Variants in CPXM2 observed in about 807,000 individuals in gnomAD.
CPXM2 encodes the protein inactive carboxypeptidase-like protein X2.
Under a neutral mutation model 86.1 loss-of-function variants are expected in CPXM2, and 66 were observed. The ratio of observed to expected loss-of-function variants is 0.77; its 90% CI spans 0.63 to 0.94. The LOEUF (loss-of-function observed/expected upper bound fraction) is 0.94. CPXM2 is among the 40% of genes least tolerant of loss of function. CPXM2 has a pLI of 0.00. For missense variants in CPXM2, 948 were observed against 1,026.3 expected (o/e 0.92, Z 1.04); for synonymous variants, 388 against 400.2 (o/e 0.97, Z 0.36).
At chr10:123,797,820 G>A (rs1847366460) in intron 6 of CPXM2, among the ~76,000 whole-genome samples, 156 bp downstream of exon 6, 1 of 152,078 alleles carries the variant, frequency 6.6e-6, no homozygotes, top group Non-Finnish European at 1.5e-5. Flanking sequence ...CCAGACTCAA[G>A]TGATTGATTC....
chr10:123,811,715 A>G (rs1847700063), intron 4 of CPXM2, among the ~76,000 whole-genome samples: 1 of 152,228 alleles, frequency 6.6e-6, no homozygotes, highest in African/African-American at 2.4e-5. Context: ...TATTGAGAAT[A>G]TATTTTTAAA....
At chr10:123,904,206 A>G (rs1026819390) in intron 2 of CPXM2, among the ~76,000 whole-genome samples, 2 of 152,218 alleles carry the variant, frequency 1.3e-5, no homozygotes, top group African/African-American at 4.8e-5. Context: ...TTCTGTCTCA[A>G]TCAGGACTAA....
chr10:123,902,222 C>T (rs1945388994), intron 2 of CPXM2, among the ~76,000 whole-genome samples: 2 of 152,288 alleles, frequency 1.3e-5, no homozygotes, highest in African/African-American at 2.4e-5. Flanking sequence ...CGAGGTCATG[C>T]AGCTCACAGG....
At chr10:123,750,261 G>A in intron 13 of CPXM2, 6 of 985,380 alleles carry the variant, frequency 6.1e-6, no homozygotes, top group Non-Finnish European at 7.2e-6. Context: ...AGAGCCTGAG[G>A]GTTCACCCCA....
At chr10:123,845,402 G>C (rs1425257219) in intron 3 of CPXM2, among the ~76,000 whole-genome samples, 1 of 152,004 alleles carries the variant, frequency 6.6e-6, no homozygotes, top group African/African-American at 2.4e-5. Flanking sequence ...GAAAGGTCTT[G>C]ATTTCATGAA....
intron 3 of CPXM2, among the ~76,000 whole-genome samples, chr10:123,851,409 T>C (rs1411235763): frequency 6.6e-6 from 1 of 152,220 alleles, no homozygotes; most frequent in Non-Finnish European, 1.5e-5. Flanking sequence ...TATTGAATTG[T>C]GTTCCCCCTC....
chr10:123,918,938 A>G (rs897021792), intron 2 of CPXM2, among the ~76,000 whole-genome samples: 22 of 152,170 alleles, frequency 1.4e-4, no homozygotes, highest in Non-Finnish European at 3.2e-4. Context: ...AACACAGGGA[A>G]GGTAAAAACC....
At chr10:123,833,202 A>G (rs1275216034) in intron 4 of CPXM2, among the ~76,000 whole-genome samples, 2 of 152,234 alleles carry the variant, frequency 1.3e-5, no homozygotes, top group Non-Finnish European at 2.9e-5. Flanking sequence ...TCTTATGCAT[A>G]CAATGAGAGA....
intron 13 of CPXM2, chr10:123,750,580 T>A: frequency 1.0e-6 from 1 of 974,664 alleles, no homozygotes; most frequent in Non-Finnish European, 1.2e-6. Flanking sequence ...TGTAGTAAAC[T>A]TTTAAATCTT....
At chr10:123,788,005 A>G (rs889708447) in intron 6 of CPXM2, among the ~76,000 whole-genome samples, 3 of 151,938 alleles carry the variant, frequency 2.0e-5, no homozygotes, top group African/African-American at 7.3e-5. Flanking sequence ...ACAGGCTGAG[A>G]GCGGTGGCTC....
chr10:123,769,033 C>T (rs950952897), intron 8 of CPXM2, among the ~76,000 whole-genome samples: 1 of 152,042 alleles, frequency 6.6e-6, no homozygotes. Flanking sequence ...AAGTTGAGCA[C>T]AAGCCGTAGC....
chr10:123,808,272 A>G lies in CPXM2; in HGVS notation c.654-9073T>C, dbSNP rs367746182. Among the ~76,000 whole-genome samples, 85 of 152,300 alleles carry G rather than the reference A, an allele frequency of 5.6e-4. No individual in the cohort carries two copies. The South Asian group carries it at 0.017, about 30-fold the overall frequency. Reference sequence around the variant, plus strand: ...TTATAGAGCCTTCTACTAGTGTACAACTAGTTTCTGGTGACATCAAAACAA... The same window carrying G: ...TTATAGAGCCTTCTACTAGTGTACAGCTAGTTTCTGGTGACATCAAAACAA... On this transcript the variant is annotated intron_variant, in intron 4 of 13. Transcript: ENST00000241305.
At chr10:123,755,933 G>A (rs2133976545) in intron 12 of CPXM2, among the ~76,000 whole-genome samples, 1 of 152,304 alleles carries the variant, frequency 6.6e-6, no homozygotes, top group South Asian at 2.1e-4. Flanking sequence ...AAAATTCCAG[G>A]GTGGGAACAG....
intron 2 of CPXM2, among the ~76,000 whole-genome samples, chr10:123,936,759 A>G (rs1192683779): frequency 6.6e-6 from 1 of 151,696 alleles, no homozygotes; most frequent in African/African-American, 2.4e-5. Flanking sequence ...CTCTCTCCCC[A>G]TACTCCCACC....
intron 11 of CPXM2, among the ~76,000 whole-genome samples, chr10:123,760,522 C>A (rs1846308164): frequency 6.6e-6 from 1 of 152,058 alleles, no homozygotes; most frequent in African/African-American, 2.4e-5. Flanking sequence ...TTTCTTTTCC[C>A]AAGGGTGGGA....
chr10:123,777,888 A>G (rs1035167627), intron 7 of CPXM2: 2 of 152,216 alleles, frequency 1.3e-5, no homozygotes, highest in African/African-American at 4.8e-5. Context: ...CTCTTCCCTC[A>G]TTGTCCCAAG....
intron 2 of CPXM2, among the ~76,000 whole-genome samples, chr10:123,903,844 G>A (rs1023023879): frequency 2.6e-5 from 4 of 152,220 alleles, no homozygotes; most frequent in Non-Finnish European, 1.5e-5. Flanking sequence ...ATGAAGCAAG[G>A]TTTGCCAGGC....
intron 13 of CPXM2, chr10:123,750,071 G>A: frequency 1.0e-6 from 1 of 978,000 alleles, no homozygotes; most frequent in Non-Finnish European, 1.2e-6. Context: ...GCCTGCCTTG[G>A]CCTCCCAAAG....
At chr10:123,788,258 C>T (rs1244124489) in intron 6 of CPXM2, among the ~76,000 whole-genome samples, 1 of 133,014 alleles carries the variant, frequency 7.5e-6, no homozygotes, top group Non-Finnish European at 1.5e-5. Flanking sequence ...CCAGCCTGGG[C>T]GACAGAGCAA....
Sources: allele counts gnomAD v4.1 joint callset (sites outside exome capture counted in the v4.1 genomes callset), GRCh38; gene constraint gnomAD v4.1.1; transcripts MANE v1.5; gene names NCBI Gene and HGNC (gene_info 2026-07-23, HGNC 2026-07-21).